Variants in KANSL1L observed in about 807,000 individuals in gnomAD.
KANSL1L encodes the protein KAT8 regulatory NSL complex subunit 1-like protein.
In KANSL1L, 25 loss-of-function variants were observed where a neutral mutation model predicts 108.6. The observed-to-expected ratio is 0.23, with a 90% CI of 0.17 to 0.32. The LOEUF (loss-of-function observed/expected upper bound fraction) is 0.32. Among genes scored for constraint, KANSL1L ranks in the 10% least tolerant of loss-of-function variants. The pLI is 1.00. For missense variants in KANSL1L, 1,137 were observed against 1,125.7 expected (o/e 1.01, Z -0.14); for synonymous variants, 405 against 395.1 (o/e 1.03, Z -0.30).
At position 210,154,346 on chromosome 2, in the gene KANSL1L, A is replaced by C. The variant is rs1399193347; in HGVS notation, c.237T>G (p.Thr79=). The part of the protein sequence containing the change: ...GSPQSSKHYQ[T]VFLMRSNSTL... Reference sequence around the variant, plus strand: ...TAGAATTAGATCTCATTAAAAAAACAGTCTGGTAATGTTTTGAAGACTGAG... The same window carrying C: ...TAGAATTAGATCTCATTAAAAAAACCGTCTGGTAATGTTTTGAAGACTGAG... The change falls in exon 2 of 15, where the codon ACT becomes ACG. Residue 79 remains threonine, a synonymous_variant. Transcript: ENST00000281772. 2 of 1,611,316 alleles carry C rather than the reference A, an allele frequency of 1.2e-6. No homozygotes were observed. The highest frequency in any genetic ancestry group is 3.4e-5 in the Admixed American group (2 of 59,466).
rs1054194279 is a variant in KANSL1L, at chr2:210,022,160, A to C, written c.*789T>G. ...TTAAAGTGCACCAATATTTGACTCA[A>C]ATTTGCTTGCTTTATTTTGTTAGGA... On this transcript the variant is annotated 3_prime_UTR_variant, in exon 15 of 15. Transcript: ENST00000281772. 1 of 151,944 alleles carries C rather than the reference A, an allele frequency of 6.6e-6. No individual in the cohort carries two copies. The highest frequency in any genetic ancestry group is 1.5e-5 in the Non-Finnish European group (1 of 67,926). 9.4% of individuals were successfully genotyped at this position (151,944 alleles called of 1,614,324 possible).
intron 3 of KANSL1L, among the ~76,000 whole-genome samples, chr2:210,104,779 C>T (rs1479260311): frequency 6.6e-6 from 1 of 152,098 alleles, no homozygotes; most frequent in Non-Finnish European, 1.5e-5. Context: ...TATCCTAACT[C>T]CTTTCAGAGC....
chr2:210,115,065 G>A lies in KANSL1L; in HGVS notation c.1231-10764C>T, dbSNP rs559764185. Among the ~76,000 whole-genome samples the A allele has an allele frequency of 2.0e-5, 3 of 152,070 alleles. No homozygotes were observed. The South Asian group carries it at 6.2e-4, about 32-fold the overall frequency. On this transcript the variant is annotated intron_variant, in intron 3 of 14. Transcript: ENST00000281772. ...AAAGGTATAAGATATATAGAAAATA[G>A]CAAAATGACAGAAGTAAGTCTATCC...
intron 5 of KANSL1L, chr2:210,080,403 A>C (rs1439050004): frequency 1.3e-5 from 2 of 152,228 alleles, no homozygotes; most frequent in Non-Finnish European, 2.9e-5. Context: ...CCAGGCCCAG[A>C]GAAGCATTAA....
chr2:210,067,816 T>C (rs1575465027), intron 6 of KANSL1L, among the ~76,000 whole-genome samples: 2 of 151,870 alleles, frequency 1.3e-5, no homozygotes, highest in South Asian at 4.2e-4. Context: ...TTATTGGCCA[T>C]TTGGATATCC....
chr2:210,154,151 C>T lies in KANSL1L; in HGVS notation c.432G>A (p.Gln144=). Residue 144 remains glutamine (Q), a synonymous_variant, in exon 2 of 15, where the codon CAG becomes CAA. Transcript: ENST00000281772. ...GAATAATTTGTACATCTTTCATGCA[C>T]TGGCTCGTGGTATCTGATAGAGGCT... ...KKEPLSDTTS[Q]CMKDVQIILD... is the part of the protein sequence containing the mutation. 1.9e-6 allele frequency: 3 copies of T among 1,614,054 alleles called. No homozygotes were observed. The highest frequency in any genetic ancestry group is 1.7e-6 in the Non-Finnish European group (2 of 1,179,956).
Position 210,153,811 on chromosome 2 carries a change from C to T in KANSL1L, c.772G>A (p.Gly258Ser), listed in dbSNP as rs748582315. The T allele has an allele frequency of 1.2e-6, 2 of 1,613,374 alleles. No individual in the cohort carries two copies. The highest frequency in any genetic ancestry group is 1.1e-5 in the South Asian group (1 of 90,936). The change falls in exon 2 of 15, where the codon GGT becomes AGT. Residue 258 changes from glycine to serine, a missense_variant. Gly to Ser is a moderately conservative substitution (Grantham distance 56). Coordinates refer to ENST00000281772, the MANE Select transcript of KANSL1L (RefSeq NM_152519.4). ...LLAKHVVKHY[G>S]QQMKLSMKHQ... ...TTCATAGACAATTTCATCTGCTGAC[C>T]ATAGTGCTTAACAACATGCTTTGCC...
intron 2 of KANSL1L, among the ~76,000 whole-genome samples, chr2:210,136,399 T>C (rs1051818582): frequency 6.6e-6 from 1 of 152,156 alleles, no homozygotes; most frequent in Admixed American, 6.5e-5. Context: ...GCCTGTAAAA[T>C]AGTCTTAAAT....
At position 210,023,024 on chromosome 2, in the gene KANSL1L, TG is replaced by T; in HGVS notation, c.2888del (p.Pro963GlnfsTer16). ...CTTCCATTCCATCTGACTGCTTTTT[TG>T]GATGGTGGCCATTCTCTGGTACACT... ...GTSVPENGHH[P>X]KKQSDGMEEY... On this transcript the variant is annotated frameshift_variant, in exon 15 of 15. Coordinates refer to ENST00000281772, the MANE Select transcript of KANSL1L (RefSeq NM_152519.4). LOFTEE classifies it high-confidence loss of function. The T allele has an allele frequency of 6.2e-7, 1 of 1,614,060 alleles. No individual in the cohort carries two copies. The highest frequency in any genetic ancestry group is 1.3e-5 in the African/African-American group (1 of 75,042).
chr2:210,101,546 A>C (rs2094793997), intron 4 of KANSL1L, among the ~76,000 whole-genome samples: 1 of 152,228 alleles, frequency 6.6e-6, no homozygotes, highest in Admixed American at 6.5e-5. Flanking sequence ...CTAGAATGTG[A>C]AACAACTAGG....
intron 2 of KANSL1L, among the ~76,000 whole-genome samples, chr2:210,138,610 TAAGA>T (rs1303290288): frequency 6.6e-6 from 1 of 152,164 alleles, no homozygotes; most frequent in Non-Finnish European, 1.5e-5. Flanking sequence ...TTAGCTTTAT[TAAGA>T]TTCAAATGAC....
At chr2:210,124,546 A>C (rs897584310) in intron 3 of KANSL1L, among the ~76,000 whole-genome samples, 1 of 152,118 alleles carries the variant, frequency 6.6e-6, no homozygotes, top group African/African-American at 2.4e-5. Context: ...TTTAAAAAAA[A>C]CAAAAAAGAT....
At chr2:210,029,598 T>A (rs1003572087) in intron 10 of KANSL1L, among the ~76,000 whole-genome samples, 17 of 152,146 alleles carry the variant, frequency 1.1e-4, no homozygotes, top group African/African-American at 4.1e-4. Context: ...AAAGAAGCTA[T>A]AACCAAATAT....
At chr2:210,135,880 A>T (rs1412245765) in intron 2 of KANSL1L, among the ~76,000 whole-genome samples, 1 of 152,202 alleles carries the variant, frequency 6.6e-6, no homozygotes, top group Non-Finnish European at 1.5e-5. Flanking sequence ...TGTCTTTAAG[A>T]TGAGCCTTAC....
At position 210,106,922 on chromosome 2, in the gene KANSL1L, G is replaced by A. The variant is rs552027303; in HGVS notation, c.1231-2621C>T. On this transcript the variant is annotated intron_variant, in intron 3 of 14. Coordinates refer to ENST00000281772, the MANE Select transcript of KANSL1L (RefSeq NM_152519.4). ...CACTGCCAAGAATGGAGAGGAAAGG[G>A]TTGAATATTTATATTTAATCCTCTG... Among the ~76,000 whole-genome samples, 3 of 152,178 alleles carry A rather than the reference G, an allele frequency of 2.0e-5. No individual in the cohort carries two copies. The East Asian group carries it at 5.8e-4, about 29-fold the overall frequency.
intron 1 of KANSL1L, among the ~76,000 whole-genome samples, chr2:210,159,451 A>C (rs1014299127): frequency 6.6e-5 from 10 of 152,164 alleles, no homozygotes; most frequent in Admixed American, 3.9e-4. Flanking sequence ...TGCTCTTCAT[A>C]GCACTATTGC....
chr2:210,161,276 C>T (rs924956165), intron 1 of KANSL1L, among the ~76,000 whole-genome samples: 1 of 152,154 alleles, frequency 6.6e-6, no homozygotes, highest in Admixed American at 6.5e-5. Flanking sequence ...GGGTGAGCCA[C>T]TGCGCCTGGC....
intron 2 of KANSL1L, among the ~76,000 whole-genome samples, chr2:210,144,858 T>C (rs2095254690): frequency 6.6e-6 from 1 of 152,212 alleles, no homozygotes; most frequent in Non-Finnish European, 1.5e-5. Flanking sequence ...TCATGTTCTT[T>C]GGTGGTTTTA....
chr2:210,122,688 G>A (rs1004737162), intron 3 of KANSL1L, among the ~76,000 whole-genome samples: 4 of 151,962 alleles, frequency 2.6e-5, no homozygotes, highest in Non-Finnish European at 5.9e-5. Flanking sequence ...AAATTAACAC[G>A]TTAACACATC....
Sources: allele counts gnomAD v4.1 joint callset (sites outside exome capture counted in the v4.1 genomes callset), GRCh38; gene constraint gnomAD v4.1.1; transcripts MANE v1.5; gene names NCBI Gene and HGNC (gene_info 2026-07-23, HGNC 2026-07-21).